The following ABCD3 variants were observed in gnomAD, a reference collection of about 807,000 sequenced individuals.
ABCD3 encodes the protein ATP binding cassette subfamily D member 3.
In ABCD3, 41 loss-of-function variants were observed where a neutral mutation model predicts 105.5. That is an observed-to-expected ratio of 0.39 (90% CI 0.30 to 0.50). ABCD3 has a LOEUF of 0.50. Among genes scored for constraint, ABCD3 ranks in the 20% least tolerant of loss-of-function variants. ABCD3 has a pLI of 0.84. For missense variants in ABCD3, 622 were observed against 806.3 expected (o/e 0.77, Z 2.77); for synonymous variants, 258 against 269.0 (o/e 0.96, Z 0.40).
chr1:94,396,795 G>A, the ABCD3 span, among the ~76,000 whole-genome samples: 1 of 152,126 alleles, frequency 6.6e-6, no homozygotes, highest in Admixed American at 6.5e-5. Flanking sequence ...GAATGAAATG[G>A]TTCCCTGGCC....
At chr1:94,399,741 A>C in the ABCD3 span, among the ~76,000 whole-genome samples, 1 of 152,208 alleles carries the variant, frequency 6.6e-6, no homozygotes, top group African/African-American at 2.4e-5. Flanking sequence ...ACACAAACAC[A>C]CATCACTTCT....
the ABCD3 span, chr1:94,406,828 A>G: frequency 1.3e-5 from 2 of 159,530 alleles, no homozygotes; most frequent in Admixed American, 6.0e-5. Context: ...TGTTTCCTAA[A>G]AAGCCTGGAG....
chr1:94,517,110 C>T lies in ABCD3; in HGVS notation c.1961C>T (p.Thr654Ile). 1 of 1,609,708 alleles carries T rather than the reference C, an allele frequency of 6.2e-7. No individual in the cohort carries two copies. The highest frequency in any genetic ancestry group is 8.5e-7 in the Non-Finnish European group (1 of 1,176,742). The part of the protein sequence containing the change: ...NYEFKQITED[T>I]VEFGS ...GAATTCAAACAGATAACAGAAGATA[C>T]AGTTGAGTTTGGCTCTTAGAGAAAT... is the stretch of plus-strand genomic sequence containing the variant. Residue 654 changes from threonine (T) to isoleucine (I), a missense_variant, in exon 23 of 23, where the codon ACA (threonine) becomes ATA (isoleucine). This residue lies in a region of ABCD3 where 285 missense variants were observed against 352.5 expected (regional missense o/e 0.81). Transcript: ENST00000370214.
intron 1 of ABCD3, among the ~76,000 whole-genome samples, chr1:94,426,710 T>C (rs1659484264): frequency 1.3e-5 from 2 of 151,890 alleles, no homozygotes; most frequent in Non-Finnish European, 2.9e-5. Flanking sequence ...ACCCAGCTAA[T>C]TTTTTTGTAT....
At chr1:94,423,778 T>C (rs1659360414) in intron 1 of ABCD3, among the ~76,000 whole-genome samples, 1 of 152,132 alleles carries the variant, frequency 6.6e-6, no homozygotes, top group Admixed American at 6.5e-5. Context: ...TCTTTACCCA[T>C]TGGGTGTCCT....
At chr1:94,516,899 TGGTCATGG>T (rs1445944095) in intron 22 of ABCD3, among the ~76,000 whole-genome samples, 145 bp from the exon 23 acceptor site, 4 of 151,908 alleles carry the variant, frequency 2.6e-5, no homozygotes, top group Non-Finnish European at 5.9e-5. Flanking sequence ...CTGAGATCCT[TGGTCATGG>T]AGTTACGGAA....
At chr1:94,456,843 G>T (rs1212841715) in intron 1 of ABCD3, among the ~76,000 whole-genome samples, 1 of 152,058 alleles carries the variant, frequency 6.6e-6, no homozygotes, top group East Asian at 1.9e-4. Flanking sequence ...CATAATGGTT[G>T]TACTAATTTA....
At chr1:94,513,999 A>G (rs1330309387) in intron 21 of ABCD3, 1 of 152,108 alleles carries the variant, frequency 6.6e-6, no homozygotes, top group Non-Finnish European at 1.5e-5. Flanking sequence ...AGAGGTGTAG[A>G]TACAAACCGA....
chr1:94,505,729 T>A (rs368810342), intron 20 of ABCD3, among the ~76,000 whole-genome samples: 1 of 152,138 alleles, frequency 6.6e-6, no homozygotes, highest in East Asian at 1.9e-4. Flanking sequence ...TGAGAAAGGA[T>A]CCTCAGAAGT....
chr1:94,408,412 A>G, the ABCD3 span, among the ~76,000 whole-genome samples: 271 of 147,412 alleles, frequency 1.8e-3, 3 homozygotes, highest in African/African-American at 6.0e-3. Context: ...GTGAAACCCC[A>G]TCTCTACTAA....
chr1:94,488,446 T>C (rs920548314), intron 13 of ABCD3, among the ~76,000 whole-genome samples: 1 of 152,148 alleles, frequency 6.6e-6, no homozygotes, highest in Non-Finnish European at 1.5e-5. Context: ...CTTGTGAATG[T>C]AGTCATATTA....
chr1:94,444,913 A>C (rs1660290897), intron 1 of ABCD3, among the ~76,000 whole-genome samples: 1 of 152,186 alleles, frequency 6.6e-6, no homozygotes. Context: ...TTGCAGGTTT[A>C]CCGGAATGAG....
At chr1:94,429,585 G>T (rs1167227263) in intron 1 of ABCD3, among the ~76,000 whole-genome samples, 1 of 152,210 alleles carries the variant, frequency 6.6e-6, no homozygotes, top group African/African-American at 2.4e-5. Flanking sequence ...AGGGGCCAAG[G>T]TATATCTCAG....
intron 8 of ABCD3, among the ~76,000 whole-genome samples, chr1:94,479,754 G>A (rs540962914): frequency 6.6e-6 from 1 of 152,182 alleles, no homozygotes; most frequent in South Asian, 2.1e-4. Flanking sequence ...ATATATTTTA[G>A]TATGGCAGAG....
intron 10 of ABCD3, among the ~76,000 whole-genome samples, chr1:94,484,581 A>T (rs1055615999): frequency 6.6e-6 from 1 of 152,166 alleles, no homozygotes; most frequent in African/African-American, 2.4e-5. Context: ...GTGGGAATTG[A>T]ACAATGAGAA....
chr1:94,476,598 C>G (rs1454080182), intron 7 of ABCD3, among the ~76,000 whole-genome samples: 1 of 152,058 alleles, frequency 6.6e-6, no homozygotes, highest in East Asian at 1.9e-4. Flanking sequence ...CAAAAGAAAA[C>G]CAAAACTATA....
At chr1:94,424,497 A>G (rs545874419) in intron 1 of ABCD3, among the ~76,000 whole-genome samples, 13 of 152,168 alleles carry the variant, frequency 8.5e-5, no homozygotes, top group Non-Finnish European at 1.8e-4. Context: ...ATCTTGGATC[A>G]TTGCAACCTT....
At position 94,471,713 on chromosome 1, in the gene ABCD3, A is replaced by G. The variant is rs548766877; in HGVS notation, c.336-2053A>G. On this transcript the variant is annotated intron_variant, in intron 4 of 22. Coordinates refer to ENST00000370214, the MANE Select transcript of ABCD3 (RefSeq NM_002858.4). ...CAGGATAATTTTATTTGAAAAGTTAACATATATCTCCATCTCAGTATTTAA... is the reference window on the plus strand; with the variant it reads ...CAGGATAATTTTATTTGAAAAGTTAGCATATATCTCCATCTCAGTATTTAA... 4.6e-5 allele frequency among the ~76,000 whole-genome samples: 7 copies of G among 152,342 alleles called. No homozygotes were observed. The South Asian group carries it at 1.4e-3, about 32-fold the overall frequency.
At chr1:94,431,728 T>G (rs1659690402) in intron 1 of ABCD3, among the ~76,000 whole-genome samples, 1 of 152,040 alleles carries the variant, frequency 6.6e-6, no homozygotes, top group Non-Finnish European at 1.5e-5. Flanking sequence ...GCCTGGCTAA[T>G]TTTTAATTTT....
Sources: allele counts gnomAD v4.1 joint callset (sites outside exome capture counted in the v4.1 genomes callset), GRCh38; gene constraint gnomAD v4.1.1; regional missense constraint gnomAD v4.1.1; transcripts MANE v1.5; gene names NCBI Gene and HGNC (gene_info 2026-07-23, HGNC 2026-07-21).